Variants in ZNF121 observed in about 807,000 individuals in gnomAD.
The protein encoded by ZNF121 is zinc finger protein 121, also known as zinc finger protein 121 (clone ZHC32).
In ZNF121, 1 loss-of-function variant was observed where a neutral mutation model predicts 2.4. That is an observed-to-expected ratio of 0.41 (90% CI 0.15 to 1.94). The LOEUF (loss-of-function observed/expected upper bound fraction) is 1.94. Among genes scored for constraint, ZNF121 ranks in the 30% most tolerant of loss-of-function variants. The pLI is 0.30. For synonymous variants in ZNF121, 173 were observed against 158.6 expected (o/e 1.09, Z -0.68); for missense variants, 369 against 466.3 (o/e 0.79, Z 1.92).
Position 9,570,699 on chromosome 19 carries a change from T to G in ZNF121, c.-159-1617A>C, listed in dbSNP as rs577090630. Among the ~76,000 whole-genome samples the G allele has an allele frequency of 1.1e-3, 170 of 151,786 alleles. 1 individual carries two copies. Among genetic ancestry groups the G allele is most frequent in the African/African-American group, 3.9e-3 (163 of 41,368 alleles). ...CTCCTGCCTGAGCCTCCCAAGTAGC[T>G]GGGATTACAGGCACCTGCCACCACA... On this transcript the variant is annotated intron_variant, in intron 1 of 3. Transcript: ENST00000320451.
chr19:9,569,859 T>A (rs1052283484), intron 1 of ZNF121, among the ~76,000 whole-genome samples: 1 of 142,820 alleles, frequency 7.0e-6, no homozygotes, highest in Non-Finnish European at 1.5e-5. Context: ...TTTTTTTTTT[T>A]ACGATATCGT....
At chr19:9,578,195 C>G (rs2074225152) in intron 1 of ZNF121, among the ~76,000 whole-genome samples, 1 of 152,022 alleles carries the variant, frequency 6.6e-6, no homozygotes, top group Non-Finnish European at 1.5e-5. Flanking sequence ...GCCCAGATCA[C>G]ACCACTGCAT....
At chr19:9,569,340 G>T (rs1380969167) in intron 1 of ZNF121, among the ~76,000 whole-genome samples, 1 of 151,946 alleles carries the variant, frequency 6.6e-6, no homozygotes, top group East Asian at 1.9e-4. Context: ...CAGAACTTTG[G>T]GAGGCTGAGG....
chr19:9,562,461 G>C lies in ZNF121; in HGVS notation c.*3479C>G, dbSNP rs1188347445. On this transcript the variant is annotated 3_prime_UTR_variant, in exon 4 of 4. Transcript: ENST00000320451. ...TTACAGGTGTGAGCCACCGTGCCCG[G>C]CTGCTCTGTGATCTTTGATGTTCCT... is the stretch of plus-strand genomic sequence containing the variant. 1 of 252,234 alleles carries C rather than the reference G, an allele frequency of 4.0e-6. No homozygotes were observed. Among genetic ancestry groups the C allele is most frequent in the African/African-American group, 2.3e-5 (1 of 43,544 alleles). 15.6% of individuals were successfully genotyped at this position (252,234 alleles called of 1,614,324 possible). A position where few individuals can be genotyped will look rare whatever the true frequency, so the allele number is the denominator to read the frequency against.
chr19:9,575,822 T>C (rs1355232679), intron 1 of ZNF121, among the ~76,000 whole-genome samples: 1 of 152,136 alleles, frequency 6.6e-6, no homozygotes, highest in African/African-American at 2.4e-5. Context: ...TGTCAATATT[T>C]ATGCACCCAA....
Position 9,584,462 on chromosome 19 carries a change from A to G in ZNF121, c.-161T>C, listed in dbSNP as rs1156550774. ...GATCCCCAAGCAGGCGGAACTCACCACAGCCAGGGTGGACTCCACCACGAT... is the reference window on the plus strand; with the variant it reads ...GATCCCCAAGCAGGCGGAACTCACCGCAGCCAGGGTGGACTCCACCACGAT... On this transcript the variant is annotated splice_region_variant and 5_prime_UTR_variant, in exon 1 of 4. Transcript: ENST00000320451. 2.6e-5 allele frequency: 4 copies of G among 152,454 alleles called. No individual in the cohort carries two copies. The East Asian group carries it at 7.7e-4, about 29-fold the overall frequency. 9.4% of individuals were successfully genotyped at this position (152,454 alleles called of 1,614,324 possible). A position where few individuals can be genotyped will look rare whatever the true frequency, so the allele number is the denominator to read the frequency against.
intron 1 of ZNF121, among the ~76,000 whole-genome samples, chr19:9,581,164 T>G (rs12463289): frequency 0.053 from 8,092 of 152,228 alleles, 403 homozygotes; most frequent in African/African-American, 0.11. Flanking sequence ...CTCAAAATCC[T>G]AAGGAAATTG....
In ZNF121 at chr19:9,580,604, C is replaced by T. The variant is rs926029066; in HGVS notation, c.-160+3857G>A. Among the ~76,000 whole-genome samples the T allele has an allele frequency of 3.3e-5, 5 of 152,184 alleles. No homozygotes were observed. The South Asian group carries it at 1.0e-3, about 31-fold the overall frequency. On this transcript the variant is annotated intron_variant, in intron 1 of 3. Transcript: ENST00000320451. ...GAGGCAACATATACATTTGTATGTG[C>T]TTTAACGCCCCACACAGTTGCCTGT...
intron 1 of ZNF121, 130 bp from the exon 2 acceptor site, chr19:9,569,212 T>G (rs1283249803): frequency 6.6e-6 from 1 of 152,150 alleles, no homozygotes; most frequent in Non-Finnish European, 1.5e-5. Context: ...ATTTCATATA[T>G]CTCATCCTTT....
intron 1 of ZNF121, among the ~76,000 whole-genome samples, chr19:9,569,543 T>G (rs1309568979): frequency 6.6e-6 from 1 of 152,120 alleles, no homozygotes; most frequent in African/African-American, 2.4e-5. Flanking sequence ...GTTTTGTTTT[T>G]TTTTTTGAGA....
At chr19:9,581,818 A>G (rs1253953710) in intron 1 of ZNF121, among the ~76,000 whole-genome samples, 1 of 152,246 alleles carries the variant, frequency 6.6e-6, no homozygotes, top group Non-Finnish European at 1.5e-5. Flanking sequence ...AGCAGACATT[A>G]GATGACATTA....
chr19:9,580,019 C>T lies in ZNF121; in HGVS notation c.-160+4442G>A, dbSNP rs545331520. ...AAGATATTCCCTTGTCAGCCAGGCG[C>T]GGGTGGCTCACACCTGTTATCCCAG... On this transcript the variant is annotated intron_variant, in intron 1 of 3. Transcript: ENST00000320451. Among the ~76,000 whole-genome samples, 9 of 152,152 alleles carry T rather than the reference C, an allele frequency of 5.9e-5. No homozygotes were observed. The South Asian group carries it at 6.2e-4, about 11-fold the overall frequency.
At chr19:9,567,829 G>T in intron 3 of ZNF121, 1 of 343,794 alleles carries the variant, frequency 2.9e-6, no homozygotes. Flanking sequence ...CTACTGACAG[G>T]TGGAGTATAT....
At chr19:9,574,181 T>C (rs2074194052) in intron 1 of ZNF121, among the ~76,000 whole-genome samples, 1 of 152,136 alleles carries the variant, frequency 6.6e-6, no homozygotes, top group African/African-American at 2.4e-5. Context: ...AGTCTCATTC[T>C]GTCGCCCAGG....
At position 9,568,115 on chromosome 19, in the gene ZNF121, T is replaced by C; in HGVS notation, c.-18A>G. The C allele has an allele frequency of 6.5e-7, 1 of 1,543,144 alleles. No homozygotes were observed. Among genetic ancestry groups the C allele is most frequent in the Non-Finnish European group, 8.8e-7 (1 of 1,131,292 alleles). On this transcript the variant is annotated 5_prime_UTR_variant, in exon 3 of 4. Transcript: ENST00000320451. Reference sequence around the variant, plus strand: ...CTTACCATTTGTATGCCGTTTGATGTTTTGTTAAGCCAAAAAAAAATGTTG... The same window carrying C: ...CTTACCATTTGTATGCCGTTTGATGCTTTGTTAAGCCAAAAAAAAATGTTG...
chr19:9,567,364 T>C (rs2144806678), intron 3 of ZNF121, among the ~76,000 whole-genome samples: 1 of 152,322 alleles, frequency 6.6e-6, no homozygotes, highest in South Asian at 2.1e-4. Context: ...TCTAGCTACA[T>C]ATGTGATAAT....
rs566031315 is a variant in ZNF121 at position 9,580,188 on chromosome 19, A to G, written c.-160+4273T>C. Among the ~76,000 whole-genome samples the G allele has an allele frequency of 3.3e-5, 5 of 152,200 alleles. No individual in the cohort carries two copies. The South Asian group carries it at 1.0e-3, about 32-fold the overall frequency. On this transcript the variant is annotated intron_variant, in intron 1 of 3. Coordinates refer to ENST00000320451, the MANE Select transcript of ZNF121 (RefSeq NM_001008727.5). ...GCACCTGTAGTCCCAGCTACTCAGG[A>G]GGCTGAGGCAGGAGAATGGCGTGAA...
In ZNF121 at chr19:9,564,657, G is replaced by A. The variant is rs2074118311; in HGVS notation, c.*1283C>T. The A allele has an allele frequency of 6.6e-6, 1 of 152,184 alleles. No individual in the cohort carries two copies. The highest frequency in any genetic ancestry group is 1.5e-5 in the Non-Finnish European group (1 of 68,048). The allele number at this position is 152,184 out of a possible 1,614,324, so 9.4% of individuals were successfully genotyped here. ...TGAAATGAAATCTACTCCTGAAGAT[G>A]CTGTGAACATTGTTGAAAAGACAAC... On this transcript the variant is annotated 3_prime_UTR_variant, in exon 4 of 4. Transcript: ENST00000320451.
Position 9,566,982 on chromosome 19 carries a change from T to C in ZNF121, c.131A>G (p.Tyr44Cys). 6.2e-7 allele frequency: 1 copy of C among 1,614,206 alleles called. No homozygotes were observed. The highest frequency in any genetic ancestry group is 2.2e-5 in the East Asian group (1 of 44,878). Residue 44 changes from tyrosine (Y) to cysteine (C), a missense_variant, in exon 4 of 4, where the codon TAT (tyrosine) becomes TGT (cysteine). Physicochemically the swap from Tyr to Cys is radical, Grantham distance 194. Transcript: ENST00000320451. Reference protein sequence around the residue: ...NTGDTYDCDEYGENFPMLHNS... With the variant: ...NTGDTYDCDECGENFPMLHNS... ...GTGTAACATGGGAAAGTTTTCTCCATACTCATCACAGTCATAAGTGTCCCC... is the reference window on the plus strand; with the variant it reads ...GTGTAACATGGGAAAGTTTTCTCCACACTCATCACAGTCATAAGTGTCCCC...
Sources: gnomAD v4.1 joint callset for allele counts (sites outside exome capture counted in the v4.1 genomes callset) on GRCh38, gnomAD v4.1.1 for gene constraint, MANE v1.5 for transcripts, NCBI Gene and HGNC (gene_info 2026-07-23, HGNC 2026-07-21) for gene names.